EEFSEC: variants seen among roughly 807,000 people sequenced by gnomAD.
The protein encoded by EEFSEC is eukaryotic elongation factor, selenocysteine-tRNA specific.
Under a neutral mutation model 42.1 loss-of-function variants are expected in EEFSEC, and 43 were observed. The ratio of observed to expected loss-of-function variants is 1.02; its 90% CI spans 0.80 to 1.32. The LOEUF is 1.32. EEFSEC is among the 40% of genes most tolerant of loss of function. The pLI is 0.00. For synonymous variants in EEFSEC, 354 were observed against 339.1 expected, an observed-to-expected ratio of 1.04 and a Z score of -0.48; for missense variants, 745 against 803.6, an observed-to-expected ratio of 0.93 and a Z score of 0.88.
At chr3:128,409,592 C>T (rs1452062444), downstream of EEFSEC, among the ~76,000 whole-genome samples, 1 of 152,226 alleles carries the variant, frequency 6.6e-6, no homozygotes, top group Non-Finnish European at 1.5e-5. Flanking sequence ...CAGTTCAGTC[C>T]CCTGAGGGGA....
chr3:128,282,972 T>C (rs1218955412), intron 4 of EEFSEC, among the ~76,000 whole-genome samples: 1 of 152,266 alleles, frequency 6.6e-6, no homozygotes, highest in Non-Finnish European at 1.5e-5. Context: ...TGTGCCTCCC[T>C]TTTAAGTGAG....
At chr3:128,215,939 C>T (rs148332549) in intron 1 of EEFSEC, among the ~76,000 whole-genome samples, 25 of 152,228 alleles carry the variant, frequency 1.6e-4, no homozygotes, top group African/African-American at 5.1e-4. Flanking sequence ...ATCCCTGGAG[C>T]TGGGACCAGA....
chr3:128,183,791 T>G (rs1353694266), intron 1 of EEFSEC, among the ~76,000 whole-genome samples: 1 of 152,244 alleles, frequency 6.6e-6, no homozygotes, highest in African/African-American at 2.4e-5. Flanking sequence ...TCGAGAATTC[T>G]TCAAGTGTTT....
intron 4 of EEFSEC, among the ~76,000 whole-genome samples, chr3:128,311,782 G>A (rs2066892700): frequency 1.3e-5 from 2 of 152,160 alleles, no homozygotes; most frequent in South Asian, 4.1e-4. Flanking sequence ...GTTTTGCAAG[G>A]GACGCCCTTT....
intron 6 of EEFSEC, among the ~76,000 whole-genome samples, chr3:128,398,989 G>T (rs183783696): frequency 6.6e-6 from 1 of 152,006 alleles, no homozygotes; most frequent in African/African-American, 2.4e-5. Context: ...ACTTTCCTCC[G>T]CAGAGGCTGC....
At chr3:128,363,067 G>C (rs1035900059) in intron 6 of EEFSEC, among the ~76,000 whole-genome samples, 1 of 152,222 alleles carries the variant, frequency 6.6e-6, no homozygotes, top group Non-Finnish European at 1.5e-5. Context: ...CCAGCACTCA[G>C]GAGGAGGAGA....
chr3:128,328,366 A>G (rs2067087972), intron 4 of EEFSEC, among the ~76,000 whole-genome samples: 1 of 152,184 alleles, frequency 6.6e-6, no homozygotes, highest in African/African-American at 2.4e-5. Context: ...CTCAAGCCAC[A>G]TGCGCCGTCC....
the EEFSEC span, among the ~76,000 whole-genome samples, chr3:128,423,951 T>C: frequency 2.6e-5 from 4 of 152,154 alleles, no homozygotes; most frequent in African/African-American, 7.2e-5. Flanking sequence ...CCTTGGTGGG[T>C]AGGGAACAGA....
Position 128,314,948 on chromosome 3 carries a change from G to A in EEFSEC, c.787-26285G>A, listed in dbSNP as rs192107326. 2.3e-4 allele frequency among the ~76,000 whole-genome samples: 35 copies of A among 152,248 alleles called. No individual in the cohort carries two copies. The South Asian group carries it at 3.1e-3, about 14-fold the overall frequency. On this transcript the variant is annotated intron_variant, in intron 4 of 6. Transcript: ENST00000254730. ...AGCTGAGAAGGCAGGGATGGGGGTCGCCTGGAGCCATCAACATCCACACCA... is the reference window on the plus strand; with the variant it reads ...AGCTGAGAAGGCAGGGATGGGGGTCACCTGGAGCCATCAACATCCACACCA...
intron 4 of EEFSEC, among the ~76,000 whole-genome samples, chr3:128,307,312 C>T (rs2066839202): frequency 6.6e-6 from 1 of 152,182 alleles, no homozygotes; most frequent in African/African-American, 2.4e-5. Flanking sequence ...TCCCTGGGGC[C>T]CAGACCCCAG....
intron 4 of EEFSEC, among the ~76,000 whole-genome samples, chr3:128,328,732 G>A (rs780217160): frequency 6.6e-5 from 10 of 152,152 alleles, no homozygotes; most frequent in Admixed American, 3.3e-4. Context: ...CTGGGGCTCC[G>A]AGCCTTGTAT....
chr3:128,387,776 C>T (rs776534879), intron 6 of EEFSEC, among the ~76,000 whole-genome samples: 20 of 152,212 alleles, frequency 1.3e-4, no homozygotes, highest in Middle Eastern at 3.4e-3. Context: ...GAGTCCTGCG[C>T]GCATATGGAG....
At chr3:128,239,512 G>A (rs1187564002) in intron 1 of EEFSEC, among the ~76,000 whole-genome samples, 3 of 152,172 alleles carry the variant, frequency 2.0e-5, no homozygotes, top group African/African-American at 4.8e-5. Context: ...CTGGCAGAGC[G>A]AGATGCTTAC....
chr3:128,413,611 C>A (rs369243134), downstream of EEFSEC, among the ~76,000 whole-genome samples: 1 of 152,194 alleles, frequency 6.6e-6, no homozygotes, highest in Non-Finnish European at 1.5e-5. Flanking sequence ...GTGCTCCCCC[C>A]ACGTTATCAC....
At chr3:128,325,081 G>A (rs966292125) in intron 4 of EEFSEC, among the ~76,000 whole-genome samples, 4 of 152,204 alleles carry the variant, frequency 2.6e-5, no homozygotes, top group Non-Finnish European at 5.9e-5. Flanking sequence ...TCCCTCGCTG[G>A]CCTACTCTCT....
intron 6 of EEFSEC, among the ~76,000 whole-genome samples, chr3:128,391,221 A>C (rs2107624193): frequency 6.6e-6 from 1 of 152,288 alleles, no homozygotes; most frequent in Middle Eastern, 3.4e-3. Flanking sequence ...CATTCTCCAA[A>C]CCACAGTTCC....
At chr3:128,251,245 A>C (rs888183467) in intron 2 of EEFSEC, among the ~76,000 whole-genome samples, 1 of 152,134 alleles carries the variant, frequency 6.6e-6, no homozygotes, top group Non-Finnish European at 1.5e-5. Flanking sequence ...GACTGGCTTA[A>C]GTTTCTGTTC....
At chr3:128,421,530 C>T in the EEFSEC span, among the ~76,000 whole-genome samples, 1 of 152,226 alleles carries the variant, frequency 6.6e-6, no homozygotes, top group African/African-American at 2.4e-5. Context: ...CACCTGTGGC[C>T]CTCCCAGGTC....
chr3:128,351,425 G>T (rs1307191842), intron 5 of EEFSEC, among the ~76,000 whole-genome samples: 1 of 152,210 alleles, frequency 6.6e-6, no homozygotes, highest in African/African-American at 2.4e-5. Flanking sequence ...TTTCAGAGAA[G>T]TCCCTCGCTC....
Sources: gnomAD v4.1 joint callset for allele counts (sites outside exome capture counted in the v4.1 genomes callset) on GRCh38, gnomAD v4.1.1 for gene constraint, MANE v1.5 for transcripts, NCBI Gene and HGNC (gene_info 2026-07-23, HGNC 2026-07-21) for gene names.